Variants in MSRA observed in about 807,000 individuals in gnomAD.
MSRA encodes the protein mitochondrial peptide methionine sulfoxide reductase.
In MSRA, 54 loss-of-function variants were observed where a neutral mutation model predicts 31.3. The observed-to-expected ratio is 1.73, with a 90% CI of 1.39 to 2.17. The LOEUF is 2.17. Among genes scored for constraint, MSRA ranks in the 30% most tolerant of loss-of-function variants. The pLI is 0.00. For synonymous variants in MSRA, 169 were observed against 116.5 expected, an observed-to-expected ratio of 1.45 and a Z score of -2.90; for missense variants, 507 against 300.9, an observed-to-expected ratio of 1.69 and a Z score of -5.07.
At chr8:10,103,590 A>G (rs1221847099) in intron 1 of MSRA, among the ~76,000 whole-genome samples, 4 of 152,220 alleles carry the variant, frequency 2.6e-5, no homozygotes, top group Non-Finnish European at 1.5e-5. Flanking sequence ...GGTATCATAA[A>G]CATGGGAGAC....
chr8:10,133,446 TG>T (rs1802044287), intron 1 of MSRA, among the ~76,000 whole-genome samples: 1 of 152,140 alleles, frequency 6.6e-6, no homozygotes, highest in Non-Finnish European at 1.5e-5. Context: ...GACCAGGCCG[TG>T]GGCACAAATA....
At chr8:10,174,437 C>T (rs1585093759) in intron 1 of MSRA, among the ~76,000 whole-genome samples, 1 of 152,066 alleles carries the variant, frequency 6.6e-6, no homozygotes, top group African/African-American at 2.4e-5. Flanking sequence ...CATGCTTTTC[C>T]CACAACCCTT....
chr8:10,335,616 G>A (rs1802992185), intron 5 of MSRA, among the ~76,000 whole-genome samples: 1 of 152,150 alleles, frequency 6.6e-6, no homozygotes, highest in Non-Finnish European at 1.5e-5. Flanking sequence ...GAGAAGTCTT[G>A]GAGGGGAACT....
At chr8:10,244,612 A>T (rs1797516179) in intron 2 of MSRA, among the ~76,000 whole-genome samples, 5 of 152,212 alleles carry the variant, frequency 3.3e-5, no homozygotes, top group Admixed American at 2.0e-4. Flanking sequence ...AAAACTAAAC[A>T]CATATGTGAC....
chr8:10,393,101 C>G (rs1451884058), intron 5 of MSRA, among the ~76,000 whole-genome samples: 3 of 147,418 alleles, frequency 2.0e-5, no homozygotes, highest in Non-Finnish European at 4.5e-5. Context: ...TGTTTCTGAT[C>G]TCTGAGTTAT....
intron 1 of MSRA, among the ~76,000 whole-genome samples, chr8:10,173,925 G>A (rs187427906): frequency 8.5e-5 from 13 of 152,178 alleles, no homozygotes; most frequent in South Asian, 2.1e-4. Flanking sequence ...TGGTCCCAGC[G>A]TGCTGTGGGT....
chr8:10,255,088 C>G (rs1342681056), intron 3 of MSRA, among the ~76,000 whole-genome samples: 3 of 152,240 alleles, frequency 2.0e-5, no homozygotes, highest in Non-Finnish European at 4.4e-5. Flanking sequence ...CCAGCACTGT[C>G]CTCAGTATTC....
At chr8:10,357,401 T>C (rs1804570454) in intron 5 of MSRA, among the ~76,000 whole-genome samples, 1 of 152,222 alleles carries the variant, frequency 6.6e-6, no homozygotes, top group Admixed American at 6.5e-5. Flanking sequence ...CTGTCTTCCT[T>C]AAGACTGAAC....
intron 2 of MSRA, among the ~76,000 whole-genome samples, chr8:10,231,361 G>C (rs1274405971): frequency 2.0e-5 from 3 of 152,226 alleles, no homozygotes; most frequent in Admixed American, 6.5e-5. Context: ...TTCTGTGAAG[G>C]ATCTAGGAAA....
intron 1 of MSRA, among the ~76,000 whole-genome samples, chr8:10,176,998 C>T (rs188365299): frequency 6.6e-6 from 1 of 152,318 alleles, no homozygotes; most frequent in Admixed American, 6.5e-5. Flanking sequence ...ATAAATGAAG[C>T]AGGTTCATGA....
chr8:10,275,667 C>T (rs1799283622), intron 3 of MSRA, among the ~76,000 whole-genome samples: 1 of 152,284 alleles, frequency 6.6e-6, no homozygotes, highest in Non-Finnish European at 1.5e-5. Flanking sequence ...TGGCATCTCC[C>T]AATGGATTAG....
At chr8:10,202,265 G>A (rs1808565831) in intron 1 of MSRA, among the ~76,000 whole-genome samples, 1 of 152,194 alleles carries the variant, frequency 6.6e-6, no homozygotes, top group Non-Finnish European at 1.5e-5. Flanking sequence ...ATGAGAAAAT[G>A]TCTTTAAAAA....
chr8:10,283,830 TATATATACAC>T (rs1221208695), intron 3 of MSRA, among the ~76,000 whole-genome samples: 11 of 65,326 alleles, frequency 1.7e-4, no homozygotes, highest in Admixed American at 1.3e-3. Flanking sequence ...TATATATATA[TATATATACAC>T]ACACACACAC....
chr8:10,151,628 C>T (rs10088663), intron 1 of MSRA, among the ~76,000 whole-genome samples: 12,905 of 152,028 alleles, frequency 0.085, 732 homozygotes, highest in African/African-American at 0.16. Context: ...CCAGCCTGGG[C>T]GACAGAGTGA....
intron 1 of MSRA, among the ~76,000 whole-genome samples, chr8:10,109,983 C>T (rs944498178): frequency 1.3e-5 from 2 of 152,066 alleles, no homozygotes. Flanking sequence ...AGCAAGTTCA[C>T]CCTTAGTAGG....
chr8:10,137,133 G>A (rs984618605), intron 1 of MSRA, among the ~76,000 whole-genome samples: 5 of 152,304 alleles, frequency 3.3e-5, no homozygotes, highest in East Asian at 1.9e-4. Flanking sequence ...AACAAAGCTC[G>A]TCTGCTTTGC....
chr8:10,368,034 C>T (rs1271674357), intron 5 of MSRA, among the ~76,000 whole-genome samples: 1 of 152,096 alleles, frequency 6.6e-6, no homozygotes, highest in African/African-American at 2.4e-5. Flanking sequence ...AGCTGCCGGA[C>T]GGTAGAATTC....
chr8:10,284,144 A>G (rs1380496255), intron 3 of MSRA, among the ~76,000 whole-genome samples: 1 of 151,940 alleles, frequency 6.6e-6, no homozygotes, highest in Non-Finnish European at 1.5e-5. Flanking sequence ...CTTGAGGGAT[A>G]ATTGGTTAAT....
At chr8:10,057,779 T>C (rs1171895598) in intron 1 of MSRA, among the ~76,000 whole-genome samples, 4 of 152,220 alleles carry the variant, frequency 2.6e-5, no homozygotes, top group Non-Finnish European at 5.9e-5. Context: ...TCTTCTGCCA[T>C]GATTGTAAGT....
Sources: allele counts gnomAD v4.1 joint callset (sites outside exome capture counted in the v4.1 genomes callset), GRCh38; gene constraint gnomAD v4.1.1; transcripts MANE v1.5; gene names NCBI Gene and HGNC (gene_info 2026-07-23, HGNC 2026-07-21).